PRKG1: variants seen among roughly 807,000 people sequenced by gnomAD.
The protein encoded by PRKG1 is protein kinase cGMP-dependent 1, also known as cGMP-dependent protein kinase 1.
In PRKG1, 35 loss-of-function variants were observed where a neutral mutation model predicts 88.1. The ratio of observed to expected loss-of-function variants is 0.40; its 90% CI spans 0.30 to 0.53. The LOEUF (loss-of-function observed/expected upper bound fraction) is 0.53. Among genes scored for constraint, PRKG1 ranks in the 20% least tolerant of loss-of-function variants. PRKG1 has a pLI of 0.59. For missense variants in PRKG1, 540 were observed against 839.8 expected (o/e 0.64, Z 4.41); for synonymous variants, 303 against 292.5 (o/e 1.04, Z -0.37).
chr10:52,291,555 C>A (rs925650170), intron 17 of PRKG1, among the ~76,000 whole-genome samples: 2 of 151,980 alleles, frequency 1.3e-5, no homozygotes, highest in African/African-American at 4.8e-5. Context: ...TTTCCAATTT[C>A]ATCCACGTCC....
intron 3 of PRKG1, among the ~76,000 whole-genome samples, chr10:51,618,122 G>A (rs1338038167): frequency 6.6e-6 from 1 of 152,126 alleles, no homozygotes; most frequent in African/African-American, 2.4e-5. Context: ...TATCAAAGTA[G>A]CATGGTGACC....
intron 1 of PRKG1, among the ~76,000 whole-genome samples, chr10:51,145,611 G>A (rs186640200): frequency 2.0e-5 from 3 of 152,154 alleles, no homozygotes; most frequent in South Asian, 2.1e-4. Flanking sequence ...TTAGGCTCAC[G>A]CGTAAAATGC....
At chr10:51,234,737 C>A (rs1403122268) in intron 2 of PRKG1, among the ~76,000 whole-genome samples, 1 of 151,682 alleles carries the variant, frequency 6.6e-6, no homozygotes, top group African/African-American at 2.4e-5. Flanking sequence ...TTTTTTTCCT[C>A]AATTAGAGTC....
At chr10:51,891,814 AGGTAG>A (rs1377199717) in intron 4 of PRKG1, among the ~76,000 whole-genome samples, 1 of 152,234 alleles carries the variant, frequency 6.6e-6, no homozygotes, top group Non-Finnish European at 1.5e-5. Context: ...TTACAAAAAT[AGGTAG>A]TGGATCAGTG....
chr10:51,616,424 A>G (rs184256841), intron 3 of PRKG1, among the ~76,000 whole-genome samples: 6 of 152,270 alleles, frequency 3.9e-5, no homozygotes, highest in Non-Finnish European at 8.8e-5. Flanking sequence ...GCAGGAGTGA[A>G]CAGTGCATGC....
At chr10:51,129,769 A>G (rs570113587) in intron 1 of PRKG1, among the ~76,000 whole-genome samples, 2 of 152,178 alleles carry the variant, frequency 1.3e-5, no homozygotes, top group Non-Finnish European at 2.9e-5. Context: ...CGTTGCCACA[A>G]TATTCTCCAA....
chr10:51,342,053 T>A (rs774653845), intron 2 of PRKG1, among the ~76,000 whole-genome samples: 3 of 152,136 alleles, frequency 2.0e-5, no homozygotes, highest in Non-Finnish European at 4.4e-5. Flanking sequence ...CCAAACCATA[T>A]CAGTAACCGA....
chr10:52,016,887 G>A (rs1281525583), intron 5 of PRKG1, among the ~76,000 whole-genome samples: 2 of 151,998 alleles, frequency 1.3e-5, no homozygotes, highest in Non-Finnish European at 2.9e-5. Context: ...GGAAAGGGAG[G>A]AGGGTATATT....
At chr10:51,543,498 T>G (rs759038730) in intron 3 of PRKG1, among the ~76,000 whole-genome samples, 1 of 152,166 alleles carries the variant, frequency 6.6e-6, no homozygotes, top group Non-Finnish European at 1.5e-5. Flanking sequence ...GAGAGAGTAG[T>G]GGGGCTCAGT....
At chr10:51,956,515 A>G (rs1474576982) in intron 5 of PRKG1, among the ~76,000 whole-genome samples, 1 of 152,088 alleles carries the variant, frequency 6.6e-6, no homozygotes, top group Non-Finnish European at 1.5e-5. Context: ...CCAAGATTCC[A>G]CCATTAATCT....
intron 1 of PRKG1, among the ~76,000 whole-genome samples, chr10:51,029,042 T>C (rs1843244532): frequency 6.6e-6 from 1 of 152,160 alleles, no homozygotes. Flanking sequence ...TCTGTGTGAA[T>C]GGAAAGGTAC....
intron 2 of PRKG1, among the ~76,000 whole-genome samples, chr10:51,401,119 T>G (rs954948320): frequency 6.6e-6 from 1 of 152,234 alleles, no homozygotes; most frequent in African/African-American, 2.4e-5. Context: ...TTTAAAAGGC[T>G]AAAACAAATC....
At chr10:51,092,004 C>T (rs576916725) in intron 1 of PRKG1, among the ~76,000 whole-genome samples, 2 of 152,258 alleles carry the variant, frequency 1.3e-5, no homozygotes, top group Admixed American at 1.3e-4. Flanking sequence ...GTTCTATTTT[C>T]TTCAGCACTA....
At chr10:51,473,154 A>G (rs919083042) in intron 3 of PRKG1, among the ~76,000 whole-genome samples, 1 of 151,946 alleles carries the variant, frequency 6.6e-6, no homozygotes, top group Non-Finnish European at 1.5e-5. Context: ...CTATTAAAGA[A>G]TATTGTGAAA....
At chr10:51,193,448 C>A (rs1387664438) in intron 2 of PRKG1, among the ~76,000 whole-genome samples, 1 of 151,888 alleles carries the variant, frequency 6.6e-6, no homozygotes, top group Non-Finnish European at 1.5e-5. Flanking sequence ...ACCACTGCCG[C>A]AGATTTTATA....
chr10:51,054,507 A>G (rs1843604448), intron 1 of PRKG1, among the ~76,000 whole-genome samples: 1 of 152,202 alleles, frequency 6.6e-6, no homozygotes, highest in Admixed American at 6.5e-5. Context: ...CCAGAATTCT[A>G]GAGGAAGCCT....
At chr10:51,102,699 T>G (rs1036763164) in intron 1 of PRKG1, among the ~76,000 whole-genome samples, 1 of 152,200 alleles carries the variant, frequency 6.6e-6, no homozygotes, top group African/African-American at 2.4e-5. Context: ...TAGATCAGTC[T>G]GTTGCAAGGA....
chr10:51,481,702 G>A (rs1840365479), intron 3 of PRKG1, among the ~76,000 whole-genome samples: 1 of 151,248 alleles, frequency 6.6e-6, no homozygotes, highest in South Asian at 2.1e-4. Flanking sequence ...AGAAATCATA[G>A]TAGCTTTGGA....
At chr10:52,273,646 A>G (rs1841791732) in intron 12 of PRKG1, among the ~76,000 whole-genome samples, 1 of 151,962 alleles carries the variant, frequency 6.6e-6, no homozygotes, top group Admixed American at 6.6e-5. Flanking sequence ...ATTTCTTGTT[A>G]CCACATTGTA....
Sources: allele counts gnomAD v4.1 joint callset (sites outside exome capture counted in the v4.1 genomes callset), GRCh38; gene constraint gnomAD v4.1.1; transcripts MANE v1.5; gene names NCBI Gene and HGNC (gene_info 2026-07-23, HGNC 2026-07-21).